The following NRG1 variants were observed in gnomAD, a reference collection of about 807,000 sequenced individuals.
The protein encoded by NRG1 is neuregulin 1, also known as pro-neuregulin-1, membrane-bound isoform.
NRG1 carries 18 observed loss-of-function variants against 63.8 expected under a neutral mutation model. The observed-to-expected ratio is 0.28, with a 90% CI of 0.19 to 0.42. The LOEUF is 0.42. Ranked by LOEUF, NRG1 falls within the 10% of genes least tolerant of loss-of-function variation. NRG1 has a pLI of 1.00. For missense variants in NRG1, 762 were observed against 814.7 expected (o/e 0.94, Z 0.79); for synonymous variants, 302 against 301.3 (o/e 1.00, Z -0.02).
rs191819229 is a variant in NRG1, at chr8:31,842,990, A to G, written c.37+203559A>G. 3.9e-5 allele frequency among the ~76,000 whole-genome samples: 6 copies of G among 152,322 alleles called. No homozygotes were observed. In the East Asian group the frequency reaches 1.2e-3, roughly 29 times the overall value. On this transcript the variant is annotated intron_variant, in intron 1 of 10. Transcript: ENST00000519301. ...GATAGAAAATTGTCTGTGTCTTAAA[A>G]TAATCTTCTATAAATTATGCGTATT...
intron 1 of NRG1, among the ~76,000 whole-genome samples, chr8:32,313,652 T>TTTTTAACACATATGTATA (rs2129476107): frequency 6.6e-6 from 1 of 152,304 alleles, no homozygotes; most frequent in Non-Finnish European, 1.5e-5. Context: ...TCACATCCAA[T>TTTTTAACACATATGTATA]TTTTAACACA....
At chr8:32,020,564 T>G (rs1816267697) in intron 1 of NRG1, among the ~76,000 whole-genome samples, 1 of 152,212 alleles carries the variant, frequency 6.6e-6, no homozygotes, top group Admixed American at 6.5e-5. Context: ...AGAAATGCAC[T>G]CAGTCTATGG....
intron 1 of NRG1, among the ~76,000 whole-genome samples, chr8:31,707,444 C>T (rs760644303): frequency 1.3e-5 from 2 of 152,030 alleles, no homozygotes; most frequent in Non-Finnish European, 2.9e-5. Context: ...AATTGCTAAG[C>T]TGTTTTCCTA....
chr8:32,242,763 A>G (rs1448055618), intron 1 of NRG1, among the ~76,000 whole-genome samples: 1 of 152,156 alleles, frequency 6.6e-6, no homozygotes, highest in Admixed American at 6.6e-5. Context: ...ACGTTTTTAT[A>G]TTAATTTTTT....
At chr8:32,472,572 G>C (rs1338662503) in intron 1 of NRG1, among the ~76,000 whole-genome samples, 1 of 152,220 alleles carries the variant, frequency 6.6e-6, no homozygotes, top group Admixed American at 6.5e-5. Flanking sequence ...CAGAAGTAGT[G>C]TAAAGGACAC....
intron 1 of NRG1, among the ~76,000 whole-genome samples, chr8:31,848,010 AT>A (rs1826849592): frequency 6.6e-6 from 1 of 152,218 alleles, no homozygotes; most frequent in Non-Finnish European, 1.5e-5. Context: ...AAATACTTTC[AT>A]TCTAGACACA....
At chr8:32,194,521 G>T (rs1842787081) in intron 1 of NRG1, among the ~76,000 whole-genome samples, 1 of 152,020 alleles carries the variant, frequency 6.6e-6, no homozygotes, top group Non-Finnish European at 1.5e-5. Context: ...ACTATTAGCA[G>T]AAGCAAATAT....
intron 5 of NRG1, among the ~76,000 whole-genome samples, chr8:32,710,517 T>A (rs1328366724): frequency 3.3e-5 from 5 of 152,216 alleles, no homozygotes; most frequent in Admixed American, 3.3e-4. Flanking sequence ...TTTATATTTG[T>A]ATGTGCATTT....
chr8:31,649,157 G>A (rs1028314339), intron 1 of NRG1, among the ~76,000 whole-genome samples: 1 of 152,074 alleles, frequency 6.6e-6, no homozygotes, highest in South Asian at 2.1e-4. Context: ...GTTTCACCAT[G>A]TTGGCCAGGC....
intron 1 of NRG1, among the ~76,000 whole-genome samples, chr8:31,641,997 C>G (rs1304738685): frequency 6.6e-6 from 1 of 152,138 alleles, no homozygotes; most frequent in Non-Finnish European, 1.5e-5. Context: ...GTTCACCCAC[C>G]ATTCCCTTAT....
chr8:32,609,443 C>T (rs945442828), intron 3 of NRG1, among the ~76,000 whole-genome samples: 13 of 151,956 alleles, frequency 8.6e-5, no homozygotes, highest in Non-Finnish European at 2.9e-5. Flanking sequence ...AGGGCACTTT[C>T]TACTGGGTTT....
At position 31,834,303 on chromosome 8, in the gene NRG1, G is replaced by A. The variant is rs796471932; in HGVS notation, c.37+194872G>A. On this transcript the variant is annotated intron_variant, in intron 1 of 10. Transcript: ENST00000519301. ...TCTCCCTTCATGCGTGTGCGCGCAC[G>A]CGCGCACACACACACACACACACAC... is the stretch of plus-strand genomic sequence containing the variant. Among the ~76,000 whole-genome samples, 64 of 15,278 alleles carry A rather than the reference G, an allele frequency of 4.2e-3. 1 individual carries two copies. The East Asian group carries it at 0.32, about 77-fold the overall frequency. 10.0% of individuals were successfully genotyped at this position (15,278 alleles called of 152,430 possible).
chr8:31,674,858 G>C (rs544784742), intron 1 of NRG1, among the ~76,000 whole-genome samples: 70 of 152,298 alleles, frequency 4.6e-4, no homozygotes, highest in African/African-American at 1.5e-3. Context: ...CATATGAAGG[G>C]GGGAATGTAG....
intron 1 of NRG1, among the ~76,000 whole-genome samples, chr8:31,876,504 A>G (rs973145699): frequency 2.6e-5 from 4 of 152,210 alleles, no homozygotes; most frequent in African/African-American, 9.6e-5. Flanking sequence ...GTAATAGTGA[A>G]TAAAAAGTTT....
intron 1 of NRG1, among the ~76,000 whole-genome samples, chr8:31,847,198 T>C (rs1338198005): frequency 1.3e-5 from 2 of 152,218 alleles, no homozygotes; most frequent in African/African-American, 4.8e-5. Context: ...TCTTTCCAGT[T>C]TTTCAAGATT....
At chr8:32,447,482 T>C (rs1195372427) in intron 1 of NRG1, among the ~76,000 whole-genome samples, 1 of 152,170 alleles carries the variant, frequency 6.6e-6, no homozygotes, top group Non-Finnish European at 1.5e-5. Context: ...AGGAAATTGA[T>C]AATCTTGAGA....
chr8:31,915,768 C>A (rs1833330790), intron 1 of NRG1, among the ~76,000 whole-genome samples: 1 of 152,074 alleles, frequency 6.6e-6, no homozygotes, highest in Non-Finnish European at 1.5e-5. Flanking sequence ...TTTAGCAGCT[C>A]ATTGGAGATG....
At chr8:32,492,129 A>G (rs1826659023) in intron 1 of NRG1, among the ~76,000 whole-genome samples, 1 of 151,430 alleles carries the variant, frequency 6.6e-6, no homozygotes, top group African/African-American at 2.4e-5. Context: ...GAAAAAAAGA[A>G]AAAAAAAAAC....
chr8:31,798,032 G>T (rs1290034688), intron 1 of NRG1, among the ~76,000 whole-genome samples: 1 of 152,086 alleles, frequency 6.6e-6, no homozygotes, highest in Non-Finnish European at 1.5e-5. Context: ...AGGCTGTGAG[G>T]GGGAGGGGGA....
Sources: allele counts gnomAD v4.1 joint callset (sites outside exome capture counted in the v4.1 genomes callset), GRCh38; gene constraint gnomAD v4.1.1; transcripts MANE v1.5; gene names NCBI Gene and HGNC (gene_info 2026-07-23, HGNC 2026-07-21).